The following ADGRV1 variants were observed in gnomAD, a reference collection of about 807,000 sequenced individuals.
ADGRV1 encodes the protein G-protein coupled receptor 98.
A neutral mutation model predicts 596.2 loss-of-function variants in ADGRV1; 359 were observed. The ratio of observed to expected loss-of-function variants is 0.60; its 90% CI spans 0.55 to 0.66. The LOEUF is 0.66. Ranked by LOEUF, ADGRV1 falls within the 30% of genes least tolerant of loss-of-function variation. The pLI is 0.00. For missense variants in ADGRV1, 7,274 were observed against 7,575.6 expected, an observed-to-expected ratio of 0.96 and a Z score of 1.48; for synonymous variants, 2,681 against 2,679.2, an observed-to-expected ratio of 1.00 and a Z score of -0.02.
intron 86 of ADGRV1, among the ~76,000 whole-genome samples, chr5:91,073,429 C>T (rs1340036505): frequency 6.6e-6 from 1 of 152,094 alleles, no homozygotes; most frequent in Non-Finnish European, 1.5e-5. Flanking sequence ...GTTTTAAGTG[C>T]TTGTCAAAGT....
At chr5:91,102,077 C>T (rs928516159) in intron 86 of ADGRV1, 142 bp from the exon 87 acceptor site, 6 of 735,620 alleles carry the variant, frequency 8.2e-6, no homozygotes, top group South Asian at 3.9e-5. Flanking sequence ...GCCTTCTCCC[C>T]TCTGGCATAA....
At chr5:90,991,889 G>A (rs1211374966) in intron 85 of ADGRV1, among the ~76,000 whole-genome samples, 1 of 152,160 alleles carries the variant, frequency 6.6e-6, no homozygotes, top group African/African-American at 2.4e-5. Flanking sequence ...AAAAAAGTTT[G>A]TTAGAGAGCA....
chr5:90,702,137 A>G (rs1747988485), intron 34 of ADGRV1, among the ~76,000 whole-genome samples: 1 of 151,832 alleles, frequency 6.6e-6, no homozygotes, highest in African/African-American at 2.4e-5. Context: ...TTGCTCTATA[A>G]GAAATTCTAT....
intron 85 of ADGRV1, among the ~76,000 whole-genome samples, chr5:91,064,276 G>A (rs1400463800): frequency 6.6e-6 from 1 of 152,192 alleles, no homozygotes; most frequent in African/African-American, 2.4e-5. Context: ...GTCTATACTG[G>A]AATTGTGGAA....
At position 90,646,075 on chromosome 5, in the gene ADGRV1, C is replaced by T. The variant is rs1400605690; in HGVS notation, c.3006C>T (p.Asp1002=). The T allele has an allele frequency of 1.9e-6, 3 of 1,576,932 alleles. No individual in the cohort carries two copies. Among genetic ancestry groups the T allele is most frequent in the African/African-American group, 2.7e-5 (2 of 74,172 alleles). The change falls in exon 16 of 90, where the codon GAC becomes GAT. Residue 1002 remains aspartate (D), a synonymous_variant. Coordinates refer to ENST00000405460, the MANE Select transcript of ADGRV1 (RefSeq NM_032119.4). ...TATLRIRRND[D]PIYFAEPRVV... ...CTCTGAGGATTAGAAGAAATGATGA[C>T]CCCATTTATTTTGCAGGTGGTATTG...
intron 34 of ADGRV1, among the ~76,000 whole-genome samples, chr5:90,703,222 T>C (rs949995345): frequency 3.9e-5 from 6 of 152,102 alleles, no homozygotes; most frequent in African/African-American, 1.2e-4. Flanking sequence ...TTTTCAGGTA[T>C]TTGCAAGCAT....
intron 87 of ADGRV1, among the ~76,000 whole-genome samples, chr5:91,116,685 A>G (rs186960277): frequency 6.6e-6 from 1 of 152,308 alleles, no homozygotes; most frequent in East Asian, 1.9e-4. Flanking sequence ...TGCTATATAA[A>G]TGTGAAGTAG....
chr5:91,041,668 C>T lies in ADGRV1; in HGVS notation c.18153-30779C>T, dbSNP rs189508492. The stretch of plus-strand genomic sequence containing the variant: ...AAAAAAAGAGAGAGAGAGAGACTTG[C>T]GCAATTTGAAATAACCTCTTTATGG... On this transcript the variant is annotated intron_variant, in intron 85 of 89. Transcript: ENST00000405460. Among the ~76,000 whole-genome samples the T allele has an allele frequency of 4.0e-5, 6 of 151,278 alleles. No homozygotes were observed. In the East Asian group the frequency reaches 7.8e-4, roughly 20 times the overall value.
intron 83 of ADGRV1, among the ~76,000 whole-genome samples, chr5:90,865,295 C>A (rs1418499538): frequency 6.6e-6 from 1 of 152,082 alleles, no homozygotes; most frequent in East Asian, 1.9e-4. Flanking sequence ...AGAAAACCCG[C>A]CTTCCATAAT....
At chr5:90,591,011 T>C (rs1042056407) in intron 1 of ADGRV1, among the ~76,000 whole-genome samples, 1 of 152,202 alleles carries the variant, frequency 6.6e-6, no homozygotes, top group Admixed American at 6.5e-5. Flanking sequence ...TTACATGAGA[T>C]TTTTTGATTC....
At chr5:90,880,899 T>G (rs1769701708) in intron 83 of ADGRV1, among the ~76,000 whole-genome samples, 1 of 152,192 alleles carries the variant, frequency 6.6e-6, no homozygotes, top group African/African-American at 2.4e-5. Flanking sequence ...ATTTTAGCAG[T>G]GAGTTTTCCT....
intron 59 of ADGRV1, among the ~76,000 whole-genome samples, chr5:90,765,831 G>A (rs1330404420): frequency 1.3e-5 from 2 of 150,816 alleles, no homozygotes; most frequent in East Asian, 1.9e-4. Flanking sequence ...AGCCTCATGA[G>A]TAACTGGGAC....
intron 87 of ADGRV1, among the ~76,000 whole-genome samples, chr5:91,139,205 A>G (rs1203013271): frequency 2.6e-5 from 4 of 152,256 alleles, no homozygotes. Flanking sequence ...ATGGAGTCAC[A>G]TGAGAATGTT....
intron 1 of ADGRV1, among the ~76,000 whole-genome samples, chr5:90,603,846 T>C (rs1289808602): frequency 1.4e-5 from 2 of 147,284 alleles, no homozygotes; most frequent in Non-Finnish European, 3.0e-5. Flanking sequence ...GGACACTGCA[T>C]GGAGGCATTC....
intron 1 of ADGRV1, among the ~76,000 whole-genome samples, chr5:90,590,294 G>T (rs1207765119): frequency 6.6e-6 from 1 of 152,164 alleles, no homozygotes; most frequent in South Asian, 2.1e-4. Flanking sequence ...CTTCCTTGGG[G>T]TGCATCATAG....
intron 87 of ADGRV1, among the ~76,000 whole-genome samples, chr5:91,121,701 A>AT (rs371877531): frequency 4.1e-4 from 61 of 149,874 alleles, no homozygotes; most frequent in East Asian, 1.9e-3. Context: ...TTTATAATGG[A>AT]TTTTTTTTTT....
intron 87 of ADGRV1, among the ~76,000 whole-genome samples, chr5:91,126,920 T>A (rs1251115941): frequency 6.6e-6 from 1 of 152,162 alleles, no homozygotes; most frequent in Non-Finnish European, 1.5e-5. Flanking sequence ...TTATAAAGTT[T>A]TTGATTTTCT....
chr5:91,052,698 T>G (rs1206295905), intron 85 of ADGRV1, among the ~76,000 whole-genome samples: 1 of 152,134 alleles, frequency 6.6e-6, no homozygotes, highest in Non-Finnish European at 1.5e-5. Flanking sequence ...CCTCCCAAAG[T>G]GCTGGGATTA....
intron 83 of ADGRV1, among the ~76,000 whole-genome samples, chr5:90,909,110 G>A (rs943855283): frequency 2.2e-4 from 34 of 152,110 alleles, no homozygotes; most frequent in African/African-American, 6.3e-4. Flanking sequence ...TGCCTGCTGC[G>A]TTGTTGCTCA....
Sources: allele counts gnomAD v4.1 joint callset (sites outside exome capture counted in the v4.1 genomes callset), GRCh38; gene constraint gnomAD v4.1.1; transcripts MANE v1.5; gene names NCBI Gene and HGNC (gene_info 2026-07-23, HGNC 2026-07-21).